Variants in PIWIL2 observed in about 807,000 individuals in gnomAD.
PIWIL2 encodes the protein piwi-like protein 2.
Under a neutral mutation model 116.5 loss-of-function variants are expected in PIWIL2, and 81 were observed. The observed-to-expected ratio is 0.70, with a 90% CI of 0.58 to 0.84. The LOEUF (loss-of-function observed/expected upper bound fraction) is 0.84. Ranked by LOEUF, PIWIL2 falls within the 40% of genes least tolerant of loss-of-function variation. The probability of loss-of-function intolerance (pLI) is 0.00; values close to 1 mark genes in which losing one functional copy is unlikely to be tolerated. For synonymous variants in PIWIL2, 489 were observed against 429.5 expected, an observed-to-expected ratio of 1.14 and a Z score of -1.71; for missense variants, 1,272 against 1,212.3, an observed-to-expected ratio of 1.05 and a Z score of -0.73.
At chr8:22,277,232 C>T (rs910302571) in intron 1 of PIWIL2, among the ~76,000 whole-genome samples, 7 of 152,032 alleles carry the variant, frequency 4.6e-5, no homozygotes, top group Admixed American at 3.3e-4. Context: ...ATGTTTGCCA[C>T]GCTGCTCTTG....
intron 20 of PIWIL2, among the ~76,000 whole-genome samples, chr8:22,324,777 C>T (rs1382644395): frequency 6.6e-6 from 1 of 150,702 alleles, no homozygotes; most frequent in East Asian, 1.9e-4. Context: ...TTCAATATGA[C>T]TATGTTTTTA....
chr8:22,281,178 C>T lies in PIWIL2; in HGVS notation c.257C>T (p.Thr86Ile), dbSNP rs771045799. The T allele has an allele frequency of 6.2e-7, 1 of 1,612,458 alleles. No homozygotes were observed. Among genetic ancestry groups the T allele is most frequent in the Non-Finnish European group, 8.5e-7 (1 of 1,179,110 alleles). The change falls in exon 3 of 23, where the codon ACC becomes ATC. Residue 86 changes from threonine to isoleucine, a missense_variant. Coordinates refer to ENST00000356766, the MANE Select transcript of PIWIL2 (RefSeq NM_018068.5). ...CTGGGCATTGAAACAGTTTCTAAGA[C>T]CCCTCTGAAACGGGAAATGCTTCCA... ...RGLGIETVSK[T>I]PLKREMLPSG...
intron 10 of PIWIL2, among the ~76,000 whole-genome samples, chr8:22,296,387 C>CAT (rs904024594): frequency 1.3e-5 from 2 of 152,164 alleles, no homozygotes; most frequent in African/African-American, 4.8e-5. Context: ...TGTCAGATCT[C>CAT]ATAACTGCTG....
intron 20 of PIWIL2, among the ~76,000 whole-genome samples, chr8:22,344,031 A>G (rs571583146): frequency 6.6e-5 from 10 of 152,356 alleles, no homozygotes; most frequent in African/African-American, 1.9e-4. Flanking sequence ...CATCCAGACA[A>G]TGGAATATTG....
At chr8:22,349,118 T>C (rs118080288) in intron 20 of PIWIL2, among the ~76,000 whole-genome samples, 8,834 of 149,078 alleles carry the variant, frequency 0.059, 327 homozygotes, top group Admixed American at 0.091. Context: ...GCACAAACTC[T>C]GCTCACTGCA....
intron 20 of PIWIL2, among the ~76,000 whole-genome samples, chr8:22,351,245 G>A (rs1383600781): frequency 6.6e-6 from 1 of 151,010 alleles, no homozygotes; most frequent in Non-Finnish European, 1.5e-5. Flanking sequence ...CTTGAGCTTG[G>A]GAGTTTGAAG....
At chr8:22,293,484 C>T (rs753244257) in intron 10 of PIWIL2, among the ~76,000 whole-genome samples, 2 of 152,120 alleles carry the variant, frequency 1.3e-5, no homozygotes, top group Non-Finnish European at 2.9e-5. Flanking sequence ...GCCACCACAC[C>T]TGGCTAATTT....
At position 22,304,007 on chromosome 8, in the gene PIWIL2, A is replaced by G. The variant is rs749459507; in HGVS notation, c.1182-14A>G. 3 of 1,590,376 alleles carry G rather than the reference A, an allele frequency of 1.9e-6. No individual in the cohort carries two copies. Among genetic ancestry groups the G allele is most frequent in the South Asian group, 1.1e-5 (1 of 88,830 alleles). On this transcript the variant is annotated splice_polypyrimidine_tract_variant and intron_variant, in intron 10 of 22. Coordinates refer to ENST00000356766, the MANE Select transcript of PIWIL2 (RefSeq NM_018068.5). Reference sequence around the variant, plus strand: ...ATATACTGTGATCCAAAAGTCTTTTATCTCTTTCCAAAGGCATGCCATTTA... The same window carrying G: ...ATATACTGTGATCCAAAAGTCTTTTGTCTCTTTCCAAAGGCATGCCATTTA...
intron 20 of PIWIL2, among the ~76,000 whole-genome samples, chr8:22,319,222 G>C (rs971267014): frequency 6.6e-6 from 1 of 152,128 alleles, no homozygotes; most frequent in South Asian, 2.1e-4. Context: ...AGTCTCTAAG[G>C]CTCCACCTTG....
chr8:22,294,644 C>CAAA lies in PIWIL2; in HGVS notation c.1181+4320_1181+4322dup, dbSNP rs897494985. On this transcript the variant is annotated intron_variant, in intron 10 of 22. Transcript: ENST00000356766. ...CGACAGAGTGAGCAAGACTCTGTCT[C>CAAA]AAAAAAAAAAAAAAAAAAAAAAAAG... Among the ~76,000 whole-genome samples the CAAA allele has an allele frequency of 5.3e-3, 157 of 29,878 alleles. 7 individuals are homozygous for CAAA. The highest frequency in any genetic ancestry group is 0.045 in the Admixed American group (110 of 2,444). 19.6% of individuals were successfully genotyped at this position (29,878 alleles called of 152,430 possible). A position where few individuals can be genotyped will look rare whatever the true frequency, so the allele number is the denominator to read the frequency against.
At chr8:22,331,887 A>G (rs1032760932) in intron 20 of PIWIL2, among the ~76,000 whole-genome samples, 1 of 152,126 alleles carries the variant, frequency 6.6e-6, no homozygotes, top group Non-Finnish European at 1.5e-5. Flanking sequence ...TTATGTGTAA[A>G]AAACAGTCAC....
intron 20 of PIWIL2, 56 bp from the exon 21 acceptor site, chr8:22,352,903 C>G: frequency 6.4e-7 from 1 of 1,554,718 alleles, no homozygotes; most frequent in Non-Finnish European, 8.7e-7. Context: ...CTCTCACTGA[C>G]TGTGGTCCGT....
rs768930716 is a variant in PIWIL2, at chr8:22,316,225, G to A, written c.2209-20G>A. Reference sequence around the variant, plus strand: ...TGCTCAGGTCTGGGGTTTGGTTTTTGTTTTTGTTTTCTAAACTAGAAACAG... The same window carrying A: ...TGCTCAGGTCTGGGGTTTGGTTTTTATTTTTGTTTTCTAAACTAGAAACAG... On this transcript the variant is annotated intron_variant, in intron 18 of 22. Coordinates refer to ENST00000356766, the MANE Select transcript of PIWIL2 (RefSeq NM_018068.5). 1.3e-6 allele frequency: 2 copies of A among 1,565,054 alleles called. No homozygotes were observed. The highest frequency in any genetic ancestry group is 2.2e-5 in the South Asian group (2 of 89,964).
intron 20 of PIWIL2, among the ~76,000 whole-genome samples, chr8:22,333,569 G>A (rs1831911507): frequency 3.3e-5 from 5 of 151,982 alleles, no homozygotes; most frequent in Non-Finnish European, 5.9e-5. Context: ...CCAATATCAC[G>A]CCATTCAACT....
At chr8:22,320,108 A>G (rs1297923947) in intron 20 of PIWIL2, among the ~76,000 whole-genome samples, 2 of 151,858 alleles carry the variant, frequency 1.3e-5, no homozygotes, top group Non-Finnish European at 2.9e-5. Context: ...GATTATAGGC[A>G]TGTGACACCA....
At chr8:22,305,337 A>T (rs1318710520) in intron 12 of PIWIL2, among the ~76,000 whole-genome samples, 1 of 151,880 alleles carries the variant, frequency 6.6e-6, no homozygotes, top group Non-Finnish European at 1.5e-5. Flanking sequence ...GGACTACAGG[A>T]GCCCGCCACC....
chr8:22,322,345 G>A (rs1831618431), intron 20 of PIWIL2, among the ~76,000 whole-genome samples: 1 of 151,756 alleles, frequency 6.6e-6, no homozygotes, highest in Admixed American at 6.6e-5. Context: ...CAACCTCCTG[G>A]GCTCAAGGGA....
chr8:22,347,596 G>C (rs1832258351), intron 20 of PIWIL2, among the ~76,000 whole-genome samples: 1 of 143,172 alleles, frequency 7.0e-6, no homozygotes, highest in South Asian at 2.2e-4. Flanking sequence ...GCATGACCTT[G>C]CCTCACTGCA....
At chr8:22,287,185 T>A (rs1432165300) in intron 6 of PIWIL2, among the ~76,000 whole-genome samples, 1 of 152,134 alleles carries the variant, frequency 6.6e-6, no homozygotes, top group Non-Finnish European at 1.5e-5. Flanking sequence ...AGGTGGAGAT[T>A]GCAGTGAGCT....
Sources: gnomAD v4.1 joint callset for allele counts (sites outside exome capture counted in the v4.1 genomes callset) on GRCh38, gnomAD v4.1.1 for gene constraint, MANE v1.5 for transcripts, NCBI Gene and HGNC (gene_info 2026-07-23, HGNC 2026-07-21) for gene names.